OTOF: variants seen among roughly 807,000 people sequenced by gnomAD.
OTOF encodes the protein fer-1-like family member 2.
In OTOF, 218 loss-of-function variants were observed where a neutral mutation model predicts 236.8. The observed-to-expected ratio is 0.92, with a 90% CI of 0.82 to 1.03. The LOEUF (loss-of-function observed/expected upper bound fraction) is 1.03, where lower values mean the gene tolerates loss of function less well. OTOF is among the 50% of genes least tolerant of loss of function. The pLI is 0.00. For synonymous variants in OTOF, 1,041 were observed against 1,072.5 expected, an observed-to-expected ratio of 0.97 and a Z score of 0.57; for missense variants, 2,590 against 2,694.4, an observed-to-expected ratio of 0.96 and a Z score of 0.86.
At position 26,473,476 on chromosome 2, in the gene OTOF, A is replaced by C; in HGVS notation, c.3500T>G (p.Val1167Gly). The change falls in exon 28 of 47, where the codon GTG (valine) becomes GGG (glycine). Residue 1167 changes from valine to glycine, a missense_variant. Physicochemically the swap from Val to Gly is moderately radical, Grantham distance 109. Around this residue, in one of 2 missense-constraint regions of OTOF, gnomAD observed 1,211 missense variants for 1,352.8 expected, o/e 0.90. Transcript: ENST00000272371. This position sits in a 1 kb window ranked among gnomAD's most constrained non-coding sequence, Gnocchi z 7.2. ...RVDIECAGKG[V>G]QSSLIHNYKK... Reference sequence around the variant, plus strand: ...ATAATTGTGGATCAGGGACGACTGCACCCCCTTCCCTGCACACTCGATGTC... The same window carrying C: ...ATAATTGTGGATCAGGGACGACTGCCCCCCCTTCCCTGCACACTCGATGTC... The C allele has an allele frequency of 6.2e-7, 1 of 1,612,982 alleles. No individual in the cohort carries two copies.
rs867938979 is a variant in OTOF, at chr2:26,467,141, C to G, written c.4320G>C (p.Glu1440Asp). The change falls in exon 35 of 47, where the codon GAG becomes GAC. Residue 1440 changes from glutamate (E) to aspartate (D), a missense_variant. Glu to Asp is a conservative substitution (Grantham distance 45, BLOSUM62 2). Coordinates refer to ENST00000272371, the MANE Select transcript of OTOF (RefSeq NM_194248.3). ...TGCGCTCCTCCTCGGTGGAGCCATC[C>G]TCATCATCCCCGGTCTTGCCCCGAA... ...NLLRGKTGDD[E>D]DGSTEEERIV... The G allele has an allele frequency of 1.2e-6, 2 of 1,613,946 alleles. No individual in the cohort carries two copies. Among genetic ancestry groups the G allele is most frequent in the Middle Eastern group, 1.6e-4 (1 of 6,062 alleles).
chr2:26,458,908 C>T (rs2148014349), intron 46 of OTOF, among the ~76,000 whole-genome samples: 1 of 152,362 alleles, frequency 6.6e-6, no homozygotes, highest in Non-Finnish European at 1.5e-5. Flanking sequence ...GGCTTGGGTG[C>T]AGGGCACCTG....
chr2:26,505,157 G>T (rs537001881), intron 5 of OTOF, among the ~76,000 whole-genome samples: 2 of 152,104 alleles, frequency 1.3e-5, no homozygotes, highest in African/African-American at 4.8e-5. Context: ...GACAAAGCAC[G>T]TTCATATCCC....
chr2:26,487,253 C>T (rs963870254), intron 11 of OTOF, among the ~76,000 whole-genome samples: 3 of 152,162 alleles, frequency 2.0e-5, no homozygotes, highest in African/African-American at 4.8e-5. Flanking sequence ...GAACCAACGA[C>T]TCATCAAGAA....
At chr2:26,475,104 G>A (rs1233305212) in intron 25 of OTOF, among the ~76,000 whole-genome samples, 1 of 152,094 alleles carries the variant, frequency 6.6e-6, no homozygotes, top group Non-Finnish European at 1.5e-5. Context: ...AGGACTTGCT[G>A]GCACACCTCC....
chr2:26,506,068 G>A (rs1253676273), intron 5 of OTOF, among the ~76,000 whole-genome samples: 1 of 152,218 alleles, frequency 6.6e-6, no homozygotes, highest in African/African-American at 2.4e-5. Context: ...AGCATCCTGT[G>A]GGATTTTGCC....
At chr2:26,554,165 CAAAAAAA>C (rs34196608) in intron 1 of OTOF, among the ~76,000 whole-genome samples, 2 of 79,594 alleles carry the variant, frequency 2.5e-5, no homozygotes, top group African/African-American at 1.0e-4. Context: ...GAGCGAGACT[CAAAAAAA>C]AAAAAAAAAA....
chr2:26,510,872 G>C, intron 5 of OTOF: 1 of 443,332 alleles, frequency 2.3e-6, no homozygotes, highest in Non-Finnish European at 4.0e-6. Flanking sequence ...TTGTCCCACA[G>C]ACCTCTCACC....
intron 1 of OTOF, among the ~76,000 whole-genome samples, chr2:26,557,499 C>T (rs970334743): frequency 1.3e-5 from 2 of 152,190 alleles, no homozygotes; most frequent in Non-Finnish European, 2.9e-5. Context: ...GGGGTCAGGT[C>T]CAGCCTCGCC....
intron 1 of OTOF, among the ~76,000 whole-genome samples, chr2:26,549,589 C>T (rs181247631): frequency 1.9e-3 from 286 of 152,298 alleles, no homozygotes; most frequent in African/African-American, 6.2e-3. Context: ...TTATTATCCA[C>T]AAATTGTACT....
intron 4 of OTOF, among the ~76,000 whole-genome samples, chr2:26,516,850 C>T (rs1666542064): frequency 6.6e-6 from 1 of 152,152 alleles, no homozygotes; most frequent in Non-Finnish European, 1.5e-5. Flanking sequence ...TTCCACTCCT[C>T]CCTGGTGCTC....
At chr2:26,497,002 A>C (rs1666001530) in intron 8 of OTOF, among the ~76,000 whole-genome samples, 1 of 150,422 alleles carries the variant, frequency 6.6e-6, no homozygotes, top group African/African-American at 2.4e-5. Flanking sequence ...ACTTAGAATG[A>C]TTGATTCACT....
At position 26,555,404 on chromosome 2, in the gene OTOF, G is replaced by C. The variant is rs530501812; in HGVS notation, c.79+3089C>G. On this transcript the variant is annotated intron_variant, in intron 1 of 46. Transcript: ENST00000272371. Reference sequence around the variant, plus strand: ...GGGCCAGGCTGGCCCCTTCACCTCAGGGTCCCAGGCCTGTGCACAAATATT... The same window carrying C: ...GGGCCAGGCTGGCCCCTTCACCTCACGGTCCCAGGCCTGTGCACAAATATT... 2.3e-3 allele frequency among the ~76,000 whole-genome samples: 348 copies of C among 152,324 alleles called. 1 individual carries two copies. Among genetic ancestry groups the C allele is most frequent in the African/African-American group, 8.1e-3 (338 of 41,572 alleles).
At position 26,546,298 on chromosome 2, in the gene OTOF, T is replaced by C. The variant is rs187549430; in HGVS notation, c.80-8524A>G. On this transcript the variant is annotated intron_variant, in intron 1 of 46. Transcript: ENST00000272371. ...CAACATGGTGAAACCTCGTCTCTAC[T>C]GAAAATACAAAAATTAGCTGGGAGT... 8.8e-3 allele frequency among the ~76,000 whole-genome samples: 1,333 copies of C among 152,064 alleles called. 17 individuals are homozygous for C. Among genetic ancestry groups the C allele is most frequent in the African/African-American group, 0.031 (1,276 of 41,472 alleles).
chr2:26,503,131 G>A (rs1666158176), intron 6 of OTOF, among the ~76,000 whole-genome samples: 1 of 152,234 alleles, frequency 6.6e-6, no homozygotes, highest in African/African-American at 2.4e-5. Flanking sequence ...GGATGCTGGG[G>A]GAGGGCAGCC....
chr2:26,471,305 G>C (rs1664965713), intron 30 of OTOF, among the ~76,000 whole-genome samples, 155 bp from the exon 31 acceptor site: 1 of 152,196 alleles, frequency 6.6e-6, no homozygotes, highest in Non-Finnish European at 1.5e-5. Flanking sequence ...ATTAATAAGA[G>C]CACTCTGACT....
Position 26,516,589 on chromosome 2 carries a change from C to G in OTOF, c.338G>C (p.Cys113Ser). The change falls in exon 5 of 47, where the codon TGC becomes TCC. Residue 113 changes from cysteine to serine, a missense_variant. This residue lies in a region of OTOF where 1,379 missense variants were observed against 1,341.6 expected (regional missense o/e 1.03). Transcript: ENST00000272371. ...AGTGGCCTGATACCGGACCTCCACG[C>G]ACAGGCTGGTCTGAAGGGAGGGAGG... ...DNNAIIKTSL[C>S]VEVRYQATDG... is the part of the protein sequence containing the mutation. 6.2e-7 allele frequency: 1 copy of G among 1,606,324 alleles called. No individual in the cohort carries two copies. Among genetic ancestry groups the G allele is most frequent in the Non-Finnish European group, 8.5e-7 (1 of 1,179,980 alleles).
rs367953553 is a variant in OTOF, at chr2:26,489,728, C to G, written c.910G>C (p.Asp304His). The G allele has an allele frequency of 1.2e-6, 2 of 1,612,744 alleles. No individual in the cohort carries two copies. Among genetic ancestry groups the G allele is most frequent in the Admixed American group, 1.7e-5 (1 of 60,026 alleles). Reference sequence around the variant, plus strand: ...ATGACATCCGGAGAGACATGGAAGTCGAAGACGAAGTACTGGAGGGGGAAG... The same window carrying G: ...ATGACATCCGGAGAGACATGGAAGTGGAAGACGAAGTACTGGAGGGGGAAG... ...CPYYNEYFVF[D>H]FHVSPDVMFD... Residue 304 changes from aspartate to histidine, a missense_variant, in exon 10 of 47, where the codon GAC (aspartate) becomes CAC (histidine). Transcript: ENST00000272371.
intron 3 of OTOF, 92 bp downstream of exon 3, chr2:26,527,740 C>A: frequency 2.1e-6 from 2 of 959,088 alleles, no homozygotes; most frequent in Non-Finnish European, 3.4e-6. Flanking sequence ...TGTAGGTCCC[C>A]TTTTTAAGCC....
Sources: gnomAD v4.1 joint callset for allele counts (sites outside exome capture counted in the v4.1 genomes callset) on GRCh38, gnomAD v4.1.1 for gene constraint, gnomAD v4.1.1 regional missense constraint, Gnocchi (gnomAD v3.1) non-coding constraint, MANE v1.5 for transcripts, NCBI Gene and HGNC (gene_info 2026-07-23, HGNC 2026-07-21) for gene names.